Variants in DYSF observed in about 807,000 individuals in gnomAD.
The protein encoded by DYSF is dysferlin.
DYSF carries 212 observed loss-of-function variants against 274.9 expected under a neutral mutation model. The observed-to-expected ratio is 0.77, with a 90% CI of 0.69 to 0.86. The LOEUF is 0.86. DYSF is among the 40% of genes least tolerant of loss of function. The pLI is 0.00. For synonymous variants in DYSF, 1,091 were observed against 1,078.7 expected (o/e 1.01, Z -0.22); for missense variants, 2,666 against 2,783.2 (o/e 0.96, Z 0.95).
Position 71,665,154 on chromosome 2 carries a change from C to T in DYSF, c.5175-8C>T, listed in dbSNP as rs1422813382. On this transcript the variant is annotated splice_polypyrimidine_tract_variant and splice_region_variant and intron_variant, in intron 46 of 55. Transcript: ENST00000410020. The stretch of plus-strand genomic sequence containing the variant: ...GCATCTCATCTATGTCTTGTGCTTG[C>T]TCCTCAGCTCTGGACCGAACCAGTG... 1 of 1,613,620 alleles carries T rather than the reference C, an allele frequency of 6.2e-7. No homozygotes were observed.
intron 12 of DYSF, among the ~76,000 whole-genome samples, chr2:71,525,251 G>A (rs886210269): frequency 6.6e-6 from 1 of 151,998 alleles, no homozygotes; most frequent in Non-Finnish European, 1.5e-5. Context: ...GCGGGGGGCG[G>A]TCTCACTTTG....
At chr2:71,664,886 T>C (rs576779365) in intron 46 of DYSF, among the ~76,000 whole-genome samples, 1 of 152,330 alleles carries the variant, frequency 6.6e-6, no homozygotes, top group South Asian at 2.1e-4. Context: ...CTTCCCACCA[T>C]CTCAAGTCTT....
intron 45 of DYSF, 79 bp downstream of exon 45, chr2:71,660,730 G>A: frequency 8.1e-7 from 1 of 1,228,644 alleles, no homozygotes; most frequent in Non-Finnish European, 1.2e-6. Context: ...GATGTGACTG[G>A]CACTGTGAAG....
Position 71,535,305 on chromosome 2 carries a change from T to C in DYSF, c.1487T>C (p.Ile496Thr). The change falls in exon 16 of 56, where the codon ATA (isoleucine) becomes ACA (threonine). Residue 496 changes from isoleucine to threonine, a missense_variant. This residue lies in a region of DYSF where 794 missense variants were observed against 777.1 expected (regional missense o/e 1.02). Coordinates refer to ENST00000410020, the MANE Select transcript of DYSF (RefSeq NM_001130987.2). ...TGCGAAAAAATGAGGATTCGTATCA[T>C]AGACTGGTGAGTTCTGAGTCTTGGA... The part of the protein sequence containing the change: ...SMCEKMRIRI[I>T]DWDRLTHNDI... 6.2e-7 allele frequency: 1 copy of C among 1,614,190 alleles called. No homozygotes were observed. Among genetic ancestry groups the C allele is most frequent in the Non-Finnish European group, 8.5e-7 (1 of 1,180,014 alleles).
At chr2:71,623,486 ATT>A (rs561208232) in intron 41 of DYSF, among the ~76,000 whole-genome samples, 208 of 152,232 alleles carry the variant, frequency 1.4e-3, no homozygotes, top group African/African-American at 4.5e-3. Flanking sequence ...TACCACAAAC[ATT>A]TTGTTTTTAA....
intron 5 of DYSF, among the ~76,000 whole-genome samples, chr2:71,512,705 T>C (rs2086222593): frequency 6.6e-6 from 1 of 152,170 alleles, no homozygotes; most frequent in African/African-American, 2.4e-5. Context: ...AGTTTTTCTC[T>C]TAGTGAAGGG....
At chr2:71,582,537 C>T (rs944370185) in intron 30 of DYSF, among the ~76,000 whole-genome samples, 4 of 152,148 alleles carry the variant, frequency 2.6e-5, no homozygotes, top group Non-Finnish European at 5.9e-5. Context: ...GTAGTGTACA[C>T]TACATCATCA....
At chr2:71,571,732 C>T (rs1178757672) in intron 29 of DYSF, among the ~76,000 whole-genome samples, 1 of 123,614 alleles carries the variant, frequency 8.1e-6, no homozygotes, top group Non-Finnish European at 1.6e-5. Context: ...TCACACCCAG[C>T]ACACACACAG....
intron 12 of DYSF, among the ~76,000 whole-genome samples, chr2:71,522,660 T>C (rs947727488): frequency 1.3e-5 from 2 of 152,214 alleles, no homozygotes; most frequent in Non-Finnish European, 2.9e-5. Context: ...TCAGTTTCAG[T>C]TGCCTTGTCA....
intron 32 of DYSF, among the ~76,000 whole-genome samples, chr2:71,593,252 C>T (rs2093321437): frequency 6.6e-6 from 1 of 151,568 alleles, no homozygotes. Flanking sequence ...CCAGCCTCAG[C>T]CTCCCAAGTA....
intron 18 of DYSF, 34 bp downstream of exon 18, chr2:71,551,190 G>A: frequency 1.2e-6 from 2 of 1,606,264 alleles, no homozygotes; most frequent in Non-Finnish European, 1.7e-6. Flanking sequence ...AGGGCAGGAT[G>A]CCAGATGCCC....
At chr2:71,586,752 G>A (rs975265105) in intron 30 of DYSF, among the ~76,000 whole-genome samples, 5 of 152,188 alleles carry the variant, frequency 3.3e-5, no homozygotes, top group Middle Eastern at 3.4e-3. Flanking sequence ...GCAGCCATCC[G>A]CGAGCAGGGA....
At chr2:71,682,379 G>C (rs1375954294) in intron 54 of DYSF, 151 bp from the exon 55 acceptor site, 1 of 925,002 alleles carries the variant, frequency 1.1e-6, no homozygotes, top group African/African-American at 1.6e-5. Flanking sequence ...GGAATGCAAG[G>C]TGCAAAGGGC....
Position 71,669,123 on chromosome 2 carries a change from G to A in DYSF, c.5558G>A (p.Arg1853His), listed in dbSNP as rs372895279. 2.2e-5 allele frequency: 35 copies of A among 1,602,660 alleles called. No individual in the cohort carries two copies. The highest frequency in any genetic ancestry group is 2.8e-5 in the Non-Finnish European group (33 of 1,174,520). The stretch of plus-strand genomic sequence containing the variant: ...ATACCTTTCCCCAGGTTTTTCCTGC[G>A]TTGTATTATCTGGAATACCAGAGAT... ...TPRRARRFFLRCIIWNTRDVI... is the reference protein window; with the variant it reads ...TPRRARRFFLHCIIWNTRDVI... The change falls in exon 50 of 56, where the codon CGT becomes CAT. Residue 1853 changes from arginine to histidine, a missense_variant. By Grantham distance (29) the Arg-to-His change is conservative. Transcript: ENST00000410020.
chr2:71,518,041 C>T (rs2086839441), intron 10 of DYSF, among the ~76,000 whole-genome samples: 1 of 152,114 alleles, frequency 6.6e-6, no homozygotes. Flanking sequence ...GCCCTGACAT[C>T]ACTCTCACCC....
intron 5 of DYSF, among the ~76,000 whole-genome samples, chr2:71,512,864 C>T (rs1280010907): frequency 6.6e-6 from 1 of 152,144 alleles, no homozygotes; most frequent in Non-Finnish European, 1.5e-5. Context: ...ACTGTCCGAG[C>T]TTAGAGATGG....
exon 1 of DYSF, chr2:71,453,718 G>A (rs1573204649): frequency 5.9e-6 from 3 of 506,554 alleles, no homozygotes; most frequent in African/African-American, 3.9e-5. Context: ...GGGAAGGGCG[G>A]CGGGGGTGGA....
At chr2:71,618,266 G>GGTGTGTGTGTGGTAGAGGTGGTGTGT (rs2093967924) in intron 40 of DYSF, among the ~76,000 whole-genome samples, 2 of 46,016 alleles carry the variant, frequency 4.3e-5, no homozygotes, top group Non-Finnish European at 9.8e-5. Context: ...GTGTGGTAGA[G>GGTGTGTGTGTGGTAGAGGTGGTGTGT]GTGTGTGTGT....
At chr2:71,581,450 T>G (rs1574146366) in intron 30 of DYSF, among the ~76,000 whole-genome samples, 1 of 152,264 alleles carries the variant, frequency 6.6e-6, no homozygotes, top group East Asian at 1.9e-4. Context: ...GTTCTGTCTT[T>G]TAAAGGGTTC....
Sources: allele counts gnomAD v4.1 joint callset (sites outside exome capture counted in the v4.1 genomes callset), GRCh38; gene constraint gnomAD v4.1.1; regional missense constraint gnomAD v4.1.1; transcripts MANE v1.5; gene names NCBI Gene and HGNC (gene_info 2026-07-23, HGNC 2026-07-21).